The following XRCC4 variants were observed in gnomAD, a reference collection of about 807,000 sequenced individuals.
The protein encoded by XRCC4 is DNA repair protein XRCC4.
Under a neutral mutation model 39.1 loss-of-function variants are expected in XRCC4, and 28 were observed. The observed-to-expected ratio is 0.72, with a 90% CI of 0.53 to 0.98. The LOEUF (loss-of-function observed/expected upper bound fraction) is 0.98. Ranked by LOEUF, XRCC4 falls within the 50% of genes least tolerant of loss-of-function variation. The pLI is 0.00. For synonymous variants in XRCC4, 123 were observed against 126.4 expected, an observed-to-expected ratio of 0.97 and a Z score of 0.18; for missense variants, 350 against 376.4, an observed-to-expected ratio of 0.93 and a Z score of 0.58.
chr5:83,179,583 T>C (rs1750117624), intron 3 of XRCC4, among the ~76,000 whole-genome samples: 1 of 152,156 alleles, frequency 6.6e-6, no homozygotes, highest in Admixed American at 6.6e-5. Context: ...TCTGCTTCAT[T>C]GTTCTCATGG....
chr5:83,078,366 C>T (rs372420785), intron 1 of XRCC4, among the ~76,000 whole-genome samples: 1 of 152,262 alleles, frequency 6.6e-6, no homozygotes, highest in African/African-American at 2.4e-5. Flanking sequence ...CACTCTTTGC[C>T]CCCTTATGGC....
At chr5:83,345,350 A>G in intron 7 of XRCC4, among the ~76,000 whole-genome samples, 1 of 152,010 alleles carries the variant, frequency 6.6e-6, no homozygotes, top group Middle Eastern at 3.2e-3. Context: ...TGCCTTTCTC[A>G]CTTAAGTGTT....
the XRCC4 span, among the ~76,000 whole-genome samples, chr5:83,370,917 A>C: frequency 6.6e-6 from 1 of 152,026 alleles, no homozygotes; most frequent in African/African-American, 2.4e-5. Context: ...TTCCATCTCC[A>C]TATTCTTCAT....
chr5:83,109,359 C>T lies in XRCC4; in HGVS notation c.140-1669C>T, dbSNP rs532138958. 4.7e-4 allele frequency among the ~76,000 whole-genome samples: 71 copies of T among 152,034 alleles called. 1 individual carries two copies. Among genetic ancestry groups the T allele is most frequent in the African/African-American group, 1.5e-3 (61 of 41,552 alleles). On this transcript the variant is annotated intron_variant, in intron 2 of 7. Transcript: ENST00000396027. ...TCCCAGCTTCACTAGTTACTTACTT[C>T]ATCACCCTAGACCATTACTTGATCT...
At chr5:83,262,838 C>CTTTTTTTTTTTTTTTTTTTTTT (rs72274529) in intron 7 of XRCC4, among the ~76,000 whole-genome samples, 1 of 119,488 alleles carries the variant, frequency 8.4e-6, no homozygotes, top group Non-Finnish European at 1.7e-5. Context: ...TTATCACAGT[C>CTTTTTTTTTTTTTTTTTTTTTT]TTTTTTTTTT....
intron 7 of XRCC4, among the ~76,000 whole-genome samples, chr5:83,303,823 A>T (rs984852567): frequency 1.3e-5 from 2 of 152,210 alleles, no homozygotes; most frequent in African/African-American, 4.8e-5. Context: ...AGCTCAAAAA[A>T]TGGTTACAAA....
At chr5:83,110,037 GT>G (rs1746372390) in intron 2 of XRCC4, among the ~76,000 whole-genome samples, 1 of 151,912 alleles carries the variant, frequency 6.6e-6, no homozygotes, top group South Asian at 2.1e-4. Flanking sequence ...TGCCTCAAAT[GT>G]AAAAATCGAG....
chr5:83,134,253 G>A (rs910194327), intron 3 of XRCC4, among the ~76,000 whole-genome samples: 3 of 152,120 alleles, frequency 2.0e-5, no homozygotes, highest in Non-Finnish European at 1.5e-5. Context: ...GAGTGCCAGT[G>A]AGAGGTGAAG....
chr5:83,078,404 A>AT (rs1744775843), intron 1 of XRCC4, among the ~76,000 whole-genome samples: 1 of 152,120 alleles, frequency 6.6e-6, no homozygotes, highest in Admixed American at 6.6e-5. Flanking sequence ...TGTGTGGTGT[A>AT]TTTTTTCTCA....
At position 83,227,023 on chromosome 5, in the gene XRCC4, T is replaced by TA. The variant is rs150403899; in HGVS notation, c.745+22103dup. Among the ~76,000 whole-genome samples, 9 of 152,226 alleles carry TA rather than the reference T, an allele frequency of 5.9e-5. No homozygotes were observed. The East Asian group carries it at 1.7e-3, about 29-fold the overall frequency. On this transcript the variant is annotated intron_variant, in intron 6 of 7. Transcript: ENST00000396027. Reference sequence around the variant, plus strand: ...TAGAGTTTTTCACTTTTCCCTGTGTTAGAGTTTTTCTCATGTTCTTTTGCA... The same window carrying TA: ...TAGAGTTTTTCACTTTTCCCTGTGTTAAGAGTTTTTCTCATGTTCTTTTGCA...
intron 6 of XRCC4, among the ~76,000 whole-genome samples, chr5:83,230,325 T>C (rs4142947): frequency 0.06 from 9,063 of 151,934 alleles, 981 homozygotes; most frequent in East Asian, 0.48. Flanking sequence ...TTCAACTACA[T>C]AGCAAACCTA....
intron 7 of XRCC4, among the ~76,000 whole-genome samples, chr5:83,267,935 A>G (rs1754014867): frequency 6.6e-6 from 1 of 152,208 alleles, no homozygotes; most frequent in Non-Finnish European, 1.5e-5. Context: ...CAGAACGTAG[A>G]GCACAAAGAG....
intron 1 of XRCC4, among the ~76,000 whole-genome samples, chr5:83,096,240 A>G (rs1324830146): frequency 6.6e-6 from 1 of 152,068 alleles, no homozygotes; most frequent in Non-Finnish European, 1.5e-5. Flanking sequence ...GAGGGTGGCA[A>G]TCCCATCCCA....
intron 3 of XRCC4, among the ~76,000 whole-genome samples, chr5:83,175,337 T>C (rs1429780775): frequency 6.6e-6 from 1 of 152,184 alleles, no homozygotes; most frequent in Non-Finnish European, 1.5e-5. Flanking sequence ...TTCAATGCTA[T>C]TGAAACTAAA....
chr5:83,174,604 A>G (rs1325130817), intron 3 of XRCC4, among the ~76,000 whole-genome samples: 5 of 152,196 alleles, frequency 3.3e-5, no homozygotes, highest in Admixed American at 1.3e-4. Flanking sequence ...TTGAAAAACA[A>G]TTCGCTGAAG....
At chr5:83,090,556 A>G (rs1745378024) in intron 1 of XRCC4, among the ~76,000 whole-genome samples, 1 of 152,094 alleles carries the variant, frequency 6.6e-6, no homozygotes, top group African/African-American at 2.4e-5. Flanking sequence ...TCCCAATTCA[A>G]ATTTTTATAG....
At chr5:83,183,440 G>A (rs1247310884) in intron 3 of XRCC4, among the ~76,000 whole-genome samples, 2 of 151,216 alleles carry the variant, frequency 1.3e-5, no homozygotes, top group African/African-American at 2.4e-5. Flanking sequence ...GTGTGTGTGT[G>A]TGTGTGTGTG....
chr5:83,103,684 C>T (rs1331799904), intron 1 of XRCC4, among the ~76,000 whole-genome samples: 4 of 152,172 alleles, frequency 2.6e-5, no homozygotes, highest in Non-Finnish European at 4.4e-5. Context: ...GATAAATAAC[C>T]TGTCTTATAC....
chr5:83,110,844 T>C (rs1358495397), intron 2 of XRCC4, among the ~76,000 whole-genome samples, 184 bp from the exon 3 acceptor site: 1 of 152,078 alleles, frequency 6.6e-6, no homozygotes, highest in Non-Finnish European at 1.5e-5. Context: ...TTAATGCATT[T>C]CTCAAAAATT....
Sources: allele counts gnomAD v4.1 joint callset (sites outside exome capture counted in the v4.1 genomes callset), GRCh38; gene constraint gnomAD v4.1.1; transcripts MANE v1.5; gene names NCBI Gene and HGNC (gene_info 2026-07-23, HGNC 2026-07-21).